The following GRID2 variants were observed in gnomAD, a reference collection of about 807,000 sequenced individuals.
GRID2 encodes the protein glutamate receptor ionotropic, delta-2.
In GRID2, 33 loss-of-function variants were observed where a neutral mutation model predicts 114.8. The ratio of observed to expected loss-of-function variants is 0.29; its 90% CI spans 0.22 to 0.38. The LOEUF is 0.38. Ranked by LOEUF, GRID2 falls within the 10% of genes least tolerant of loss-of-function variation. The pLI is 1.00. For synonymous variants in GRID2, 505 were observed against 449.9 expected, an observed-to-expected ratio of 1.12 and a Z score of -1.55; for missense variants, 1,184 against 1,257.7, an observed-to-expected ratio of 0.94 and a Z score of 0.89.
At chr4:92,663,996 G>A (rs1732648202) in intron 2 of GRID2, among the ~76,000 whole-genome samples, 1 of 151,042 alleles carries the variant, frequency 6.6e-6, no homozygotes, top group Non-Finnish European at 1.5e-5. Context: ...AGATGGAATC[G>A]TATCCTCCAT....
intron 2 of GRID2, among the ~76,000 whole-genome samples, chr4:92,887,124 A>G (rs1746429678): frequency 6.6e-6 from 1 of 152,040 alleles, no homozygotes; most frequent in Non-Finnish European, 1.5e-5. Context: ...TTTTGTTCAT[A>G]TTGTTATCAT....
intron 8 of GRID2, among the ~76,000 whole-genome samples, chr4:93,254,831 A>G (rs1749389663): frequency 6.6e-6 from 1 of 152,152 alleles, no homozygotes; most frequent in South Asian, 2.1e-4. Context: ...GAAATTGGAT[A>G]ATTATTCTTG....
At chr4:93,675,871 CT>C (rs1398859012) in intron 14 of GRID2, among the ~76,000 whole-genome samples, 2 of 152,154 alleles carry the variant, frequency 1.3e-5, no homozygotes, top group Admixed American at 1.3e-4. Flanking sequence ...ATGGCTTATA[CT>C]TTCCACTCCA....
In GRID2 at chr4:92,785,448, C is replaced by T. The variant is rs780290015; in HGVS notation, c.244+195162C>T. Among the ~76,000 whole-genome samples, 11 of 151,198 alleles carry T rather than the reference C, an allele frequency of 7.3e-5. No individual in the cohort carries two copies. In the East Asian group the frequency reaches 1.8e-3, roughly 24 times the overall value. On this transcript the variant is annotated intron_variant, in intron 2 of 15. Coordinates refer to ENST00000282020, the MANE Select transcript of GRID2 (RefSeq NM_001510.4). ...CTGCAACTTAGTTTTTTCCAAGATA[C>T]GTTTTTGAGAAATGAGGAGAAAAAA...
chr4:92,443,889 C>T (rs561069250), intron 1 of GRID2, among the ~76,000 whole-genome samples: 2 of 152,292 alleles, frequency 1.3e-5, no homozygotes, highest in Middle Eastern at 3.4e-3. Flanking sequence ...CAGTCTGTGA[C>T]CGGCACCAGA....
chr4:92,832,386 G>GT (rs1389385128), intron 2 of GRID2, among the ~76,000 whole-genome samples: 1 of 151,914 alleles, frequency 6.6e-6, no homozygotes, highest in Non-Finnish European at 1.5e-5. Flanking sequence ...TGTTGTTTTT[G>GT]TTTGTTTTGT....
At chr4:92,616,752 A>G (rs1037486588) in intron 2 of GRID2, among the ~76,000 whole-genome samples, 1 of 151,532 alleles carries the variant, frequency 6.6e-6, no homozygotes, top group Non-Finnish European at 1.5e-5. Flanking sequence ...ATTTATTGAT[A>G]TCTGGGAGTA....
chr4:93,027,503 G>A (rs1723992441), intron 2 of GRID2, among the ~76,000 whole-genome samples: 2 of 152,174 alleles, frequency 1.3e-5, no homozygotes, highest in Admixed American at 1.3e-4. Context: ...TTTACAGAGT[G>A]TATCCACAGA....
intron 7 of GRID2, among the ~76,000 whole-genome samples, chr4:93,233,704 G>A (rs897000734): frequency 2.6e-5 from 4 of 152,070 alleles, no homozygotes; most frequent in Admixed American, 1.3e-4. Context: ...TTGCCAAGTA[G>A]AGAATTCTGC....
intron 13 of GRID2, among the ~76,000 whole-genome samples, chr4:93,544,779 A>G (rs1329665493): frequency 7.2e-5 from 5 of 69,876 alleles, no homozygotes; most frequent in African/African-American, 1.4e-4. Flanking sequence ...CTCCCTCTGG[A>G]AAAAAAAAAA....
In GRID2 at chr4:93,188,690, T is replaced by G. The variant is rs1579235883; in HGVS notation, c.736-18714T>G. Among the ~76,000 whole-genome samples the G allele has an allele frequency of 2.6e-5, 4 of 152,182 alleles. No individual in the cohort carries two copies. In the South Asian group the frequency reaches 8.3e-4, roughly 32 times the overall value. On this transcript the variant is annotated intron_variant, in intron 4 of 15. Transcript: ENST00000282020. The stretch of plus-strand genomic sequence containing the variant: ...TTTTCTGCTTCCATTTTGATTATAA[T>G]TTTTTCTTTAATTTGTTTCTCTCTT...
intron 2 of GRID2, among the ~76,000 whole-genome samples, chr4:92,873,204 A>G (rs897257305): frequency 2.0e-5 from 3 of 152,128 alleles, no homozygotes; most frequent in Non-Finnish European, 4.4e-5. Context: ...GTCTGTAATC[A>G]TTTAGATGTT....
At chr4:93,094,247 A>G (rs1731016805) in intron 3 of GRID2, among the ~76,000 whole-genome samples, 1 of 152,124 alleles carries the variant, frequency 6.6e-6, no homozygotes, top group African/African-American at 2.4e-5. Flanking sequence ...TTGAAAAGCA[A>G]GCTGATTTTC....
chr4:92,448,605 A>G (rs1733592025), intron 1 of GRID2, among the ~76,000 whole-genome samples: 1 of 152,166 alleles, frequency 6.6e-6, no homozygotes, highest in Non-Finnish European at 1.5e-5. Flanking sequence ...AAAAATAAAC[A>G]TTTACATAAA....
chr4:93,627,193 T>C (rs1742812204), intron 14 of GRID2, among the ~76,000 whole-genome samples: 1 of 152,326 alleles, frequency 6.6e-6, no homozygotes, highest in Non-Finnish European at 1.5e-5. Context: ...AGTATATCCA[T>C]TTTATACTGA....
intron 14 of GRID2, among the ~76,000 whole-genome samples, chr4:93,653,928 A>G (rs1316907314): frequency 6.6e-6 from 1 of 152,156 alleles, no homozygotes; most frequent in Non-Finnish European, 1.5e-5. Context: ...GAAATGTTCA[A>G]ATATTAGAAG....
intron 1 of GRID2, among the ~76,000 whole-genome samples, chr4:92,513,788 A>G (rs1724368653): frequency 1.3e-5 from 2 of 151,886 alleles, no homozygotes; most frequent in Admixed American, 6.6e-5. Flanking sequence ...AATGAGTTGA[A>G]GGGTAAATAA....
intron 2 of GRID2, among the ~76,000 whole-genome samples, chr4:92,880,318 AG>A (rs1363761377): frequency 6.6e-6 from 1 of 152,170 alleles, no homozygotes; most frequent in East Asian, 1.9e-4. Context: ...ATGATGCAAA[AG>A]TTTTTCCTCT....
At chr4:92,848,589 T>C (rs1003816136) in intron 2 of GRID2, among the ~76,000 whole-genome samples, 1 of 151,852 alleles carries the variant, frequency 6.6e-6, no homozygotes, top group African/African-American at 2.4e-5. Flanking sequence ...TGGCCTTTGA[T>C]TGTTCTAATA....
Sources: gnomAD v4.1 joint callset for allele counts (sites outside exome capture counted in the v4.1 genomes callset) on GRCh38, gnomAD v4.1.1 for gene constraint, MANE v1.5 for transcripts, NCBI Gene and HGNC (gene_info 2026-07-23, HGNC 2026-07-21) for gene names.